SLC39A11: variants seen among roughly 807,000 people sequenced by gnomAD.
SLC39A11 encodes solute carrier family 39 member 11.
SLC39A11 carries 33 observed loss-of-function variants against 36.1 expected under a neutral mutation model. The ratio of observed to expected loss-of-function variants is 0.91; its 90% confidence interval spans 0.69 to 1.22. The LOEUF is 1.22. SLC39A11 is among the 50% of genes most tolerant of loss of function. The pLI is 0.00. For synonymous variants in SLC39A11, 166 were observed against 170.3 expected, an observed-to-expected ratio of 0.97 and a Z score of 0.20; for missense variants, 432 against 430.3, an observed-to-expected ratio of 1.00 and a Z score of -0.03.
chr17:73,006,667 C>CAT (rs1598820568), intron 4 of SLC39A11, among the ~76,000 whole-genome samples: 2 of 151,904 alleles, frequency 1.3e-5, no homozygotes, highest in African/African-American at 4.8e-5. Flanking sequence ...CACACACACA[C>CAT]ACACACACAC....
chr17:72,895,111 C>T (rs1278820057), intron 5 of SLC39A11, among the ~76,000 whole-genome samples: 1 of 151,696 alleles, frequency 6.6e-6, no homozygotes, highest in Non-Finnish European at 1.5e-5. Context: ...GTGCTAGTCG[C>T]ATTGGTGGGT....
At chr17:72,919,133 A>T (rs892814734) in intron 5 of SLC39A11, among the ~76,000 whole-genome samples, 1 of 152,104 alleles carries the variant, frequency 6.6e-6, no homozygotes, top group African/African-American at 2.4e-5. Context: ...GGTTTAATAA[A>T]ATTTGCCTCT....
At chr17:72,783,016 A>AG (rs1478668462) in intron 6 of SLC39A11, among the ~76,000 whole-genome samples, 5 of 151,354 alleles carry the variant, frequency 3.3e-5, no homozygotes, top group Admixed American at 6.6e-5. Context: ...AAAAAAAAAA[A>AG]AAAAAAGAAA....
intron 6 of SLC39A11, among the ~76,000 whole-genome samples, chr17:72,770,967 C>A (rs943710068): frequency 3.3e-5 from 5 of 152,006 alleles, no homozygotes; most frequent in African/African-American, 9.7e-5. Context: ...TATTCTAGGA[C>A]ACACTTTGGT....
At chr17:72,906,095 A>G (rs2082644264) in intron 5 of SLC39A11, among the ~76,000 whole-genome samples, 1 of 152,210 alleles carries the variant, frequency 6.6e-6, no homozygotes, top group Non-Finnish European at 1.5e-5. Context: ...GTTCACAACG[A>G]GCTAGAGTAG....
At chr17:72,669,421 T>C (rs1267084441) in intron 7 of SLC39A11, among the ~76,000 whole-genome samples, 1 of 152,230 alleles carries the variant, frequency 6.6e-6, no homozygotes, top group Admixed American at 6.5e-5. Context: ...TTGATTTTCA[T>C]GACTTTGAAG....
At position 72,938,729 on chromosome 17, in the gene SLC39A11, T is replaced by G. The variant is rs538405399; in HGVS notation, c.430+9023A>C. On this transcript the variant is annotated intron_variant, in intron 5 of 9. Coordinates refer to ENST00000255559, the MANE Select transcript of SLC39A11 (RefSeq NM_139177.4). ...GAAGGCTGCTGCTACCCAAGCCACT[T>G]GTCTGTTCTTTCTGTTTCCCTAAAG... Among the ~76,000 whole-genome samples, 250 of 152,348 alleles carry G rather than the reference T, an allele frequency of 1.6e-3. 1 individual carries two copies. The highest frequency in any genetic ancestry group is 2.9e-3 in the Non-Finnish European group (197 of 68,018).
Position 72,672,404 on chromosome 17 carries a change from A to G in SLC39A11, c.672-23136T>C, listed in dbSNP as rs1169543314. On this transcript the variant is annotated intron_variant, in intron 7 of 9. Transcript: ENST00000255559. Reference sequence around the variant, plus strand: ...GTGGATGTTACAGTGAGCTGAGATCATGCCACTGCCCTCCAGCCTGGGTGA... The same window carrying G: ...GTGGATGTTACAGTGAGCTGAGATCGTGCCACTGCCCTCCAGCCTGGGTGA... Among the ~76,000 whole-genome samples the G allele has an allele frequency of 2.0e-5, 3 of 152,174 alleles. No individual in the cohort carries two copies. In the South Asian group the frequency reaches 6.2e-4, roughly 32 times the overall value.
intron 7 of SLC39A11, among the ~76,000 whole-genome samples, chr17:72,708,803 G>A (rs1488058319): frequency 6.6e-6 from 1 of 152,212 alleles, no homozygotes; most frequent in African/African-American, 2.4e-5. Context: ...CCTTGGATTT[G>A]CTTTCTTGCC....
chr17:72,733,905 G>A (rs2074325943), intron 7 of SLC39A11, among the ~76,000 whole-genome samples: 1 of 152,144 alleles, frequency 6.6e-6, no homozygotes. Context: ...AAGCACAGAT[G>A]CTGGTTCGAA....
chr17:73,016,981 A>C (rs1310756727), intron 4 of SLC39A11, among the ~76,000 whole-genome samples: 1 of 152,196 alleles, frequency 6.6e-6, no homozygotes, highest in Admixed American at 6.6e-5. Context: ...ATGCAGCAAA[A>C]ATTCTAGAAG....
At chr17:72,814,665 A>G (rs2077527903) in intron 6 of SLC39A11, among the ~76,000 whole-genome samples, 1 of 152,240 alleles carries the variant, frequency 6.6e-6, no homozygotes, top group South Asian at 2.1e-4. Flanking sequence ...AACAAGCTAT[A>G]AAGGTTAACC....
chr17:72,840,728 C>T (rs1248919415), intron 6 of SLC39A11, among the ~76,000 whole-genome samples: 1 of 147,742 alleles, frequency 6.8e-6, no homozygotes, highest in Non-Finnish European at 1.5e-5. Context: ...CTGCACTCTA[C>T]CCTGGGTGAC....
intron 8 of SLC39A11, 81 bp downstream of exon 8, chr17:72,649,089 G>A (rs2069724195): frequency 1.3e-6 from 2 of 1,550,828 alleles, no homozygotes; most frequent in Non-Finnish European, 1.8e-6. Flanking sequence ...GCATGGCAGT[G>A]CAAAAGCACA....
chr17:72,965,681 C>T (rs941322390), intron 4 of SLC39A11, among the ~76,000 whole-genome samples: 3 of 152,040 alleles, frequency 2.0e-5, no homozygotes, highest in Non-Finnish European at 4.4e-5. Context: ...AGATGTAATC[C>T]CACTGTAAGT....
intron 5 of SLC39A11, chr17:72,947,409 G>A (rs1379246560): frequency 9.9e-6 from 3 of 303,452 alleles, no homozygotes; most frequent in African/African-American, 6.3e-5. Flanking sequence ...GTTCATCAGA[G>A]AGGGGGACAC....
intron 6 of SLC39A11, among the ~76,000 whole-genome samples, chr17:72,783,016 A>G (rs558570240): frequency 4.6e-5 from 7 of 151,354 alleles, no homozygotes; most frequent in African/African-American, 2.4e-5. Context: ...AAAAAAAAAA[A>G]AAAAAAGAAA....
intron 7 of SLC39A11, among the ~76,000 whole-genome samples, chr17:72,662,562 G>T (rs1243133014): frequency 1.0e-5 from 1 of 95,900 alleles, no homozygotes; most frequent in Non-Finnish European, 2.1e-5. Context: ...AAAAAGAAAA[G>T]AAAAGAAAAA....
At chr17:73,011,662 C>T (rs1345480929) in intron 4 of SLC39A11, among the ~76,000 whole-genome samples, 1 of 89,586 alleles carries the variant, frequency 1.1e-5, no homozygotes, top group African/African-American at 2.8e-5. Context: ...TTCTGGTTTT[C>T]TTGGTTTTTT....
Sources: gnomAD v4.1 joint callset for allele counts (sites outside exome capture counted in the v4.1 genomes callset) on GRCh38, gnomAD v4.1.1 for gene constraint, MANE v1.5 for transcripts, NCBI Gene and HGNC (gene_info 2026-07-23, HGNC 2026-07-21) for gene names.